DST: variants seen among roughly 807,000 people sequenced by gnomAD.
DST encodes bullous pemphigoid antigen.
DST carries 253 observed loss-of-function variants against 875.2 expected under a neutral mutation model. The ratio of observed to expected loss-of-function variants is 0.29; its 90% CI spans 0.26 to 0.32. The LOEUF is 0.32. DST is among the 10% of genes least tolerant of loss of function. The probability of loss-of-function intolerance (pLI) is 1.00; values close to 1 mark genes in which losing one functional copy is unlikely to be tolerated. For missense variants in DST, 8,287 were observed against 9,111.6 expected (o/e 0.91, Z 3.68); for synonymous variants, 3,124 against 3,197.1 (o/e 0.98, Z 0.77).
intron 5 of DST, among the ~76,000 whole-genome samples, chr6:56,710,060 T>G (rs139918014): frequency 6.6e-6 from 1 of 152,332 alleles, no homozygotes; most frequent in East Asian, 1.9e-4. Flanking sequence ...ACTACGAATT[T>G]TAAACAGAAT....
At chr6:56,818,836 T>G (rs867816169) in intron 4 of DST, among the ~76,000 whole-genome samples, 1 of 152,166 alleles carries the variant, frequency 6.6e-6, no homozygotes, top group South Asian at 2.1e-4. Flanking sequence ...CTGCATACTT[T>G]CCATAGGAAC....
chr6:56,903,922 C>T (rs1372937012), intron 2 of DST, among the ~76,000 whole-genome samples: 1 of 152,208 alleles, frequency 6.6e-6, no homozygotes, highest in African/African-American at 2.4e-5. Flanking sequence ...TGGTATACTA[C>T]ACAGACTCTG....
intron 5 of DST, among the ~76,000 whole-genome samples, chr6:56,728,973 T>TAC (rs35066414): frequency 0.21 from 27,556 of 131,876 alleles, 2,676 homozygotes; most frequent in Non-Finnish European, 0.24. Context: ...ATAAAAAAAG[T>TAC]ACACACACAC....
intron 5 of DST, among the ~76,000 whole-genome samples, chr6:56,720,959 G>A (rs1478403199): frequency 3.3e-5 from 5 of 151,808 alleles, no homozygotes; most frequent in East Asian, 1.9e-4. Context: ...CCCCCCAGAC[G>A]GGGCAGCCGG....
intron 5 of DST, among the ~76,000 whole-genome samples, chr6:56,706,027 AC>A: frequency 6.6e-6 from 1 of 152,348 alleles, no homozygotes; most frequent in Middle Eastern, 3.4e-3. Flanking sequence ...ACCTGTAAAT[AC>A]GCCATGCTCA....
Position 56,561,407 on chromosome 6 carries a change from C to A in DST, c.14211G>T (p.Met4737Ile), listed in dbSNP as rs1267709250. ...TTTTGTTCATTTTCTGTAACCACTG[C>A]ATCATTGCACTTGATTCTTCCTGAG... ...QKAQEESSAMMQWLQKMNKTA... is the reference protein window; with the variant it reads ...QKAQEESSAMIQWLQKMNKTA... The change falls in exon 57 of 104, where the codon ATG becomes ATT. Residue 4737 changes from methionine (M) to isoleucine (I), a missense_variant. By Grantham distance (10) the Met-to-Ile change is conservative. Coordinates refer to ENST00000680361, the MANE Select transcript of DST (RefSeq NM_001374736.1). 2 of 1,613,892 alleles carry A rather than the reference C, an allele frequency of 1.2e-6. No individual in the cohort carries two copies. The highest frequency in any genetic ancestry group is 1.7e-6 in the Non-Finnish European group (2 of 1,179,812).
At chr6:56,871,592 T>C (rs888807338) in intron 3 of DST, 7 of 827,050 alleles carry the variant, frequency 8.5e-6, no homozygotes, top group Admixed American at 5.1e-5. Flanking sequence ...GAGCTCATGG[T>C]TGGATTAACC....
At chr6:56,693,903 T>G (rs532514800) in intron 9 of DST, among the ~76,000 whole-genome samples, 12 of 152,048 alleles carry the variant, frequency 7.9e-5, no homozygotes, top group Admixed American at 7.9e-4. Flanking sequence ...TAAAATAGTT[T>G]ATAATACTTT....
In DST at chr6:56,689,522, T is replaced by C. The variant is rs2099213157; in HGVS notation, c.1047+10131A>G. ...CAATACTGTCTCATGACAGAAGATA[T>C]TCTGATTAAATTAAATCTCAAGCAA... On this transcript the variant is annotated intron_variant, in intron 9 of 103. Coordinates refer to ENST00000680361, the MANE Select transcript of DST (RefSeq NM_001374736.1). 9.2e-5 allele frequency among the ~76,000 whole-genome samples: 14 copies of C among 152,166 alleles called. 1 individual carries two copies. Among genetic ancestry groups the C allele is most frequent in the Admixed American group, 9.2e-4 (14 of 15,278 alleles).
At chr6:56,642,155 C>T in intron 16 of DST, 54 bp from the exon 17 acceptor site, 1 of 1,424,732 alleles carries the variant, frequency 7.0e-7, no homozygotes, top group Non-Finnish European at 9.8e-7. Flanking sequence ...TCAAAACAAC[C>T]TGAAATATAA....
At chr6:56,743,591 A>T (rs1175635138) in intron 4 of DST, among the ~76,000 whole-genome samples, 1 of 152,182 alleles carries the variant, frequency 6.6e-6, no homozygotes, top group African/African-American at 2.4e-5. Context: ...GCAAACACTT[A>T]GAGAGCACTT....
At chr6:56,665,734 G>A (rs2099069134) in intron 10 of DST, among the ~76,000 whole-genome samples, 1 of 152,142 alleles carries the variant, frequency 6.6e-6, no homozygotes, top group African/African-American at 2.4e-5. Flanking sequence ...CTTATTAGGT[G>A]TGATGCTCAC....
At chr6:56,693,828 G>T (rs1365834633) in intron 9 of DST, among the ~76,000 whole-genome samples, 1 of 151,852 alleles carries the variant, frequency 6.6e-6, no homozygotes, top group Non-Finnish European at 1.5e-5. Context: ...ATAGCTAGCA[G>T]GAGAGATAAG....
At chr6:56,532,022 A>ATGATC (rs2096904400) in intron 64 of DST, among the ~76,000 whole-genome samples, 1 of 152,192 alleles carries the variant, frequency 6.6e-6, no homozygotes, top group Non-Finnish European at 1.5e-5. Flanking sequence ...GATGACAGAG[A>ATGATC]TGATCTGCCC....
chr6:56,634,503 G>A lies in DST; in HGVS notation c.3453C>T (p.Thr1151=), dbSNP rs745727337. Reference sequence around the variant, plus strand: ...CCGCTTCTTTGTTTGGTGGAGGAACGGTGAAGCACACAGATGGGACCATAG... The same window carrying A: ...CCGCTTCTTTGTTTGGTGGAGGAACAGTGAAGCACACAGATGGGACCATAG... ...NEAMVPSVCF[T]VPPPNKEAVD... Residue 1151 remains threonine, a synonymous_variant, in exon 26 of 104, where the codon ACC becomes ACT. Transcript: ENST00000680361. 1.5e-5 allele frequency: 25 copies of A among 1,614,038 alleles called. 1 individual carries two copies. In the Middle Eastern group the frequency reaches 4.9e-4, roughly 32 times the overall value.
At chr6:56,831,169 C>A (rs1411153256) in intron 4 of DST, among the ~76,000 whole-genome samples, 1 of 152,160 alleles carries the variant, frequency 6.6e-6, no homozygotes, top group African/African-American at 2.4e-5. Context: ...AAGAGTGTCA[C>A]ATCCAATCTT....
At chr6:56,774,126 A>T (rs903715035) in intron 4 of DST, among the ~76,000 whole-genome samples, 20 of 151,932 alleles carry the variant, frequency 1.3e-4, no homozygotes, top group African/African-American at 3.9e-4. Flanking sequence ...AAAAAAAAAA[A>T]AAAAAAGAAT....
rs748053488 is a variant in DST at position 56,617,426 on chromosome 6, AG to A, written c.4930-2943del. The stretch of plus-strand genomic sequence containing the variant: ...CTGCTTGTTCTTAGCTATCTGTAAC[AG>A]GAATTTATAAAATGTTAAAAGTCAC... On this transcript the variant is annotated intron_variant, in intron 36 of 103. Coordinates refer to ENST00000680361, the MANE Select transcript of DST (RefSeq NM_001374736.1). 2.5e-6 allele frequency: 4 copies of A among 1,607,746 alleles called. No homozygotes were observed. The Admixed American group carries it at 6.7e-5, about 27-fold the overall frequency.
chr6:56,605,060 T>C lies in DST; in HGVS notation c.9568A>G (p.Asn3190Asp). ...LFTYLKHCAK[N>D]IKAKDVAKPN... ...TTGGCTACATCTTTTGCTTTTATAT[T>C]TTTAGCACAATGTTTTAAGTAAGTA... Residue 3190 changes from asparagine (N) to aspartate (D), a missense_variant, in exon 40 of 104, where the codon AAT becomes GAT. Around this residue, in one of 10 missense-constraint regions of DST, gnomAD observed 3,138 missense variants for 3,116.6 expected, o/e 1.01. Coordinates refer to ENST00000680361, the MANE Select transcript of DST (RefSeq NM_001374736.1). 1.2e-6 allele frequency: 2 copies of C among 1,612,714 alleles called. No homozygotes were observed.
Sources: allele counts gnomAD v4.1 joint callset (sites outside exome capture counted in the v4.1 genomes callset), GRCh38; gene constraint gnomAD v4.1.1; regional missense constraint gnomAD v4.1.1; transcripts MANE v1.5; gene names NCBI Gene and HGNC (gene_info 2026-07-23, HGNC 2026-07-21).